The following ANO3 variants were observed in gnomAD, a reference collection of about 807,000 sequenced individuals.
The protein encoded by ANO3 is anoctamin-3.
ANO3 carries 99 observed loss-of-function variants against 144.8 expected under a neutral mutation model. The observed-to-expected ratio is 0.68, with a 90% confidence interval of 0.58 to 0.81. ANO3 has a LOEUF of 0.81. Ranked by LOEUF, ANO3 falls within the 30% of genes least tolerant of loss-of-function variation. ANO3 has a pLI of 0.00. For synonymous variants in ANO3, 414 were observed against 392.6 expected, an observed-to-expected ratio of 1.05 and a Z score of -0.64; for missense variants, 905 against 1,202.2, an observed-to-expected ratio of 0.75 and a Z score of 3.66.
chr11:26,314,689 G>C (rs935441196), intron 1 of ANO3, among the ~76,000 whole-genome samples: 6 of 152,102 alleles, frequency 3.9e-5, no homozygotes, highest in African/African-American at 7.2e-5. Context: ...CAAAGATGTT[G>C]GTCCTTCCTC....
At chr11:26,274,061 G>A (rs1333249178) in intron 1 of ANO3, among the ~76,000 whole-genome samples, 2 of 152,052 alleles carry the variant, frequency 1.3e-5, no homozygotes, top group Admixed American at 6.6e-5. Context: ...AAAATAGACA[G>A]TGGATGCTTC....
chr11:26,190,435 G>A (rs1443282656), intron 1 of ANO3, among the ~76,000 whole-genome samples: 2 of 151,620 alleles, frequency 1.3e-5, no homozygotes, highest in African/African-American at 2.4e-5. Flanking sequence ...CTGTTATTTT[G>A]TCTTCTAAAA....
At chr11:26,417,306 T>C (rs903519386) in intron 1 of ANO3, among the ~76,000 whole-genome samples, 3 of 152,208 alleles carry the variant, frequency 2.0e-5, no homozygotes, top group Non-Finnish European at 4.4e-5. Context: ...AGGAGGTGAA[T>C]GGATAAACTG....
At chr11:26,493,353 T>C (rs1021884489) in intron 4 of ANO3, among the ~76,000 whole-genome samples, 2 of 152,140 alleles carry the variant, frequency 1.3e-5, no homozygotes, top group Admixed American at 6.5e-5. Context: ...TGATTGTATA[T>C]ACAGGGGCAT....
chr11:26,323,714 G>A (rs1228632503), intron 1 of ANO3, among the ~76,000 whole-genome samples: 1 of 152,058 alleles, frequency 6.6e-6, no homozygotes, highest in Non-Finnish European at 1.5e-5. Flanking sequence ...GACCTAAAAC[G>A]ATTTCTCTTC....
intron 3 of ANO3, among the ~76,000 whole-genome samples, chr11:26,448,552 A>C (rs1421650421): frequency 2.0e-5 from 3 of 152,224 alleles, no homozygotes; most frequent in Non-Finnish European, 4.4e-5. Flanking sequence ...TCAAAGGAGT[A>C]CATGGTGATT....
chr11:26,629,516 C>G (rs1852702944), intron 18 of ANO3, among the ~76,000 whole-genome samples: 1 of 152,134 alleles, frequency 6.6e-6, no homozygotes, highest in South Asian at 2.1e-4. Flanking sequence ...GGCATGCGTT[C>G]ATCCATAAAA....
rs369715792 is a variant in ANO3 at position 26,516,958 on chromosome 11, A to G, written c.692+31A>G. On this transcript the variant is annotated intron_variant, in intron 6 of 26. Transcript: ENST00000256737. Reference sequence around the variant, plus strand: ...TTCAAATTTTACTTTATTTTATCTCAATATATATTAAAATGAGTCTATCTT... The same window carrying G: ...TTCAAATTTTACTTTATTTTATCTCGATATATATTAAAATGAGTCTATCTT... 5.5e-5 allele frequency: 73 copies of G among 1,328,390 alleles called. No individual in the cohort carries two copies. The African/African-American group carries it at 9.6e-4, about 17-fold the overall frequency. 82.3% of individuals were successfully genotyped at this position (1,328,390 alleles called of 1,614,324 possible).
In ANO3 at chr11:26,256,068, C is replaced by T. The variant is rs150649101; in HGVS notation, c.155-53577C>T. 7.0e-3 allele frequency among the ~76,000 whole-genome samples: 1,068 copies of T among 152,148 alleles called. 10 individuals are homozygous for T. The highest frequency in any genetic ancestry group is 0.024 in the African/African-American group (1,007 of 41,506). On this transcript the variant is annotated intron_variant, in intron 1 of 27. Coordinates refer to the ANO3 transcript ENST00000672621. ...TGAAAGGCAGGACACTATCAGGAAGCGGGGTCAGCATAGGAAGGATCTGTT... is the reference window on the plus strand; with the variant it reads ...TGAAAGGCAGGACACTATCAGGAAGTGGGGTCAGCATAGGAAGGATCTGTT...
At chr11:26,245,019 G>GTGCGCGCA (rs1564931856) in intron 1 of ANO3, among the ~76,000 whole-genome samples, 1 of 73,412 alleles carries the variant, frequency 1.4e-5, no homozygotes, top group Non-Finnish European at 3.5e-5. Context: ...GTGTGTGTGT[G>GTGCGCGCA]TGCATGCATG....
chr11:26,248,980 T>A (rs1590215329), intron 1 of ANO3, among the ~76,000 whole-genome samples: 2 of 152,160 alleles, frequency 1.3e-5, no homozygotes, highest in Admixed American at 1.3e-4. Context: ...TCTGAAACCA[T>A]CCCCTGCCTC....
At chr11:26,494,435 T>C (rs1013562373) in intron 4 of ANO3, among the ~76,000 whole-genome samples, 1 of 152,176 alleles carries the variant, frequency 6.6e-6, no homozygotes, top group African/African-American at 2.4e-5. Flanking sequence ...ACTGAAACTT[T>C]ATATGTGCAC....
chr11:26,559,857 C>G lies in ANO3; in HGVS notation c.1447+78C>G, dbSNP rs567532585. On this transcript the variant is annotated intron_variant, in intron 14 of 26. Transcript: ENST00000256737. ...TGTTACACACACACACACACACACA[C>G]ACACACACACACACACACCATGAAT... 6.7e-6 allele frequency: 6 copies of G among 897,648 alleles called. No individual in the cohort carries two copies. In the East Asian group the frequency reaches 1.4e-4, roughly 22 times the overall value. The allele number at this position is 897,648 out of a possible 1,614,324, so 55.6% of individuals were successfully genotyped here.
In ANO3 at chr11:26,473,804, T is replaced by G. The variant is rs957607019; in HGVS notation, c.432+10656T>G. On this transcript the variant is annotated intron_variant, in intron 4 of 26. Transcript: ENST00000256737. ...TGCATAGACATTAACCAATGACACA[T>G]GAAAGCAGCCCCCTATTCCACCCTA... 3.6e-5 allele frequency: 13 copies of G among 358,870 alleles called. No individual in the cohort carries two copies. The Admixed American group carries it at 7.1e-4, about 20-fold the overall frequency. 22.2% of individuals were successfully genotyped at this position (358,870 alleles called of 1,614,324 possible).
chr11:26,606,764 T>A (rs1851948336), intron 17 of ANO3, among the ~76,000 whole-genome samples: 1 of 152,220 alleles, frequency 6.6e-6, no homozygotes, highest in African/African-American at 2.4e-5. Context: ...TTTAGCCCAT[T>A]TACATTTAAG....
At chr11:26,621,156 G>A (rs1219388626) in intron 17 of ANO3, among the ~76,000 whole-genome samples, 2 of 152,088 alleles carry the variant, frequency 1.3e-5, no homozygotes, top group Non-Finnish European at 2.9e-5. Flanking sequence ...TGCCTTTGCT[G>A]TTCTTTTTCT....
intron 1 of ANO3, among the ~76,000 whole-genome samples, chr11:26,353,530 C>T (rs1855700482): frequency 6.6e-6 from 1 of 152,294 alleles, no homozygotes; most frequent in South Asian, 2.1e-4. Context: ...CCACGTTCCT[C>T]ACTTCAATTC....
At chr11:26,564,726 CACACACATATATATAT>C (rs1358050945) in intron 14 of ANO3, among the ~76,000 whole-genome samples, 126 of 49,218 alleles carry the variant, frequency 2.6e-3, no homozygotes, top group Non-Finnish European at 3.1e-3. Flanking sequence ...CACACACACA[CACACACATATATATAT>C]ATATATATAT....
chr11:26,531,116 T>G, intron 7 of ANO3, 89 bp from the exon 8 acceptor site: 3 of 1,435,648 alleles, frequency 2.1e-6, no homozygotes, highest in African/African-American at 1.4e-5. Flanking sequence ...TCAAAGAAGT[T>G]TCTTTAGTAC....
Sources: allele counts gnomAD v4.1 joint callset (sites outside exome capture counted in the v4.1 genomes callset), GRCh38; gene constraint gnomAD v4.1.1; transcripts MANE v1.5; gene names NCBI Gene and HGNC (gene_info 2026-07-23, HGNC 2026-07-21).